Variants in DNAI4 observed in about 807,000 individuals in gnomAD.
DNAI4 encodes the protein WD repeat domain 78.
Under a neutral mutation model 105.8 loss-of-function variants are expected in DNAI4, and 85 were observed. That is an observed-to-expected ratio of 0.80 (90% CI 0.67 to 0.96). The LOEUF is 0.96. DNAI4 is among the 40% of genes least tolerant of loss of function. The probability of loss-of-function intolerance (pLI) is 0.00; values close to 1 mark genes in which losing one functional copy is unlikely to be tolerated. For synonymous variants in DNAI4, 352 were observed against 331.5 expected (o/e 1.06, Z -0.67); for missense variants, 1,014 against 1,005.6 (o/e 1.01, Z -0.11).
intron 6 of DNAI4, among the ~76,000 whole-genome samples, chr1:66,864,460 G>A (rs1042474634): frequency 6.6e-5 from 10 of 152,088 alleles, no homozygotes; most frequent in East Asian, 1.9e-4. Flanking sequence ...GCAAAGAAAC[G>A]CAGGTGTCAA....
chr1:66,864,579 C>T (rs1387905603), intron 6 of DNAI4, among the ~76,000 whole-genome samples: 2 of 152,194 alleles, frequency 1.3e-5, no homozygotes, highest in African/African-American at 4.8e-5. Context: ...AGGCCAGGCG[C>T]GGTGGCTCAC....
rs1250717505 is a variant in DNAI4 at position 66,871,386 on chromosome 1, G to A, written c.924C>T (p.Ile308=). Residue 308 remains isoleucine, a synonymous_variant, in exon 6 of 17, where the codon ATC becomes ATT. Transcript: ENST00000371026. ...PKNKDVQCDK[I]IMEDKGIMST... is the part of the protein sequence containing the mutation. ...AGAAATTACCTTTATCTTCCATTAT[G>A]ATTTTATCACATTGAACATCTTTAT... The A allele has an allele frequency of 3.1e-6, 5 of 1,608,046 alleles. No individual in the cohort carries two copies. Among genetic ancestry groups the A allele is most frequent in the African/African-American group, 1.3e-5 (1 of 74,778 alleles).
At chr1:66,818,399 A>C (rs1216233896) in intron 16 of DNAI4, among the ~76,000 whole-genome samples, 1 of 152,094 alleles carries the variant, frequency 6.6e-6, no homozygotes, top group Non-Finnish European at 1.5e-5. Flanking sequence ...ATGAGATTTA[A>C]AATATTTAAG....
At chr1:66,847,731 A>C in intron 7 of DNAI4, 53 bp from the exon 8 acceptor site, 1 of 1,330,972 alleles carries the variant, frequency 7.5e-7, no homozygotes, top group Non-Finnish European at 1.0e-6. Context: ...GATGGTTCAT[A>C]CATTCTAAAG....
intron 13 of DNAI4, among the ~76,000 whole-genome samples, chr1:66,831,942 A>T (rs116343447): frequency 3.8e-4 from 58 of 152,284 alleles, no homozygotes; most frequent in Non-Finnish European, 7.1e-4. Context: ...GGGCCAGATA[A>T]TTCTCTGCTG....
chr1:66,819,973 A>G (rs974793161), intron 16 of DNAI4, among the ~76,000 whole-genome samples: 1 of 152,156 alleles, frequency 6.6e-6, no homozygotes, highest in Non-Finnish European at 1.5e-5. Context: ...CAAAAGAAGA[A>G]AAAAAGATTA....
At chr1:66,829,431 G>T (rs1005888691) in intron 13 of DNAI4, among the ~76,000 whole-genome samples, 1 of 152,006 alleles carries the variant, frequency 6.6e-6, no homozygotes, top group Non-Finnish European at 1.5e-5. Context: ...CTAATATCAT[G>T]CTAAGTAGAT....
intron 1 of DNAI4, among the ~76,000 whole-genome samples, chr1:66,907,182 T>C (rs955880147): frequency 5.9e-5 from 9 of 152,208 alleles, no homozygotes; most frequent in Non-Finnish European, 1.0e-4. Flanking sequence ...GCTCTGTAAC[T>C]ACAATGTAGC....
intron 13 of DNAI4, among the ~76,000 whole-genome samples, chr1:66,829,233 C>T (rs1166557233): frequency 6.6e-6 from 1 of 152,070 alleles, no homozygotes; most frequent in Non-Finnish European, 1.5e-5. Context: ...AATAATCAAA[C>T]TAAATGTAAA....
At chr1:66,877,237 C>T (rs1381271552) in intron 4 of DNAI4, among the ~76,000 whole-genome samples, 1 of 152,158 alleles carries the variant, frequency 6.6e-6, no homozygotes, top group African/African-American at 2.4e-5. Context: ...CTTCTCCTCA[C>T]TTGTCAAAAG....
At position 66,890,918 on chromosome 1, in the gene DNAI4, G is replaced by T. The variant is rs1224147956; in HGVS notation, c.643+236C>A. On this transcript the variant is annotated intron_variant, in intron 4 of 16. Coordinates refer to ENST00000371026, the MANE Select transcript of DNAI4 (RefSeq NM_024763.5). This position sits in a 1 kb window ranked among gnomAD's most constrained non-coding sequence, Gnocchi z 4.1. ...AGCAGCAGCAACAGCAGCAGCAGAA[G>T]CAGCAGCTGAGCTCTAACACAAAGC... The T allele has an allele frequency of 3.7e-6, 2 of 535,508 alleles. No homozygotes were observed. Among genetic ancestry groups the T allele is most frequent in the Admixed American group, 3.2e-5 (1 of 30,980 alleles). 33.2% of individuals were successfully genotyped at this position (535,508 alleles called of 1,614,324 possible).
At chr1:66,844,154 T>C (rs1219637496) in intron 8 of DNAI4, among the ~76,000 whole-genome samples, 1 of 130,232 alleles carries the variant, frequency 7.7e-6, no homozygotes, top group Non-Finnish European at 1.7e-5. Flanking sequence ...TAATTCAAAA[T>C]AAATAACATG....
intron 5 of DNAI4, 87 bp from the exon 6 acceptor site, chr1:66,871,596 AC>A: frequency 7.6e-7 from 1 of 1,324,192 alleles, no homozygotes; most frequent in African/African-American, 1.5e-5. Context: ...CCCTAAAATT[AC>A]TTTCCTTAAT....
At position 66,905,352 on chromosome 1, in the gene DNAI4, TTC is replaced by T; in HGVS notation, c.192_193del (p.Lys65ValfsTer3). On this transcript the variant is annotated frameshift_variant, in exon 2 of 17. Coordinates refer to ENST00000371026, the MANE Select transcript of DNAI4 (RefSeq NM_024763.5). LOFTEE classifies it high-confidence loss of function. Reference sequence around the variant, plus strand: ...CATTGTAGCAAAAAAGCTAATAGACTTCTTTGGTTGTGTGGCATTGTTCCTAT... The same window carrying T: ...CATTGTAGCAAAAAAGCTAATAGACTTTTGGTTGTGTGGCATTGTTCCTAT... The T allele has an allele frequency of 6.7e-7, 1 of 1,498,188 alleles. No homozygotes were observed. Among genetic ancestry groups the T allele is most frequent in the Non-Finnish European group, 9.0e-7 (1 of 1,108,714 alleles). 92.8% of individuals were successfully genotyped at this position (1,498,188 alleles called of 1,614,324 possible).
intron 1 of DNAI4, among the ~76,000 whole-genome samples, chr1:66,905,768 A>T (rs1649194080): frequency 6.6e-6 from 1 of 152,134 alleles, no homozygotes; most frequent in Admixed American, 6.5e-5. Flanking sequence ...TATTATGAGG[A>T]TTAAATAAAT....
rs998188413 is a variant in DNAI4 at position 66,837,721 on chromosome 1, T to C, written c.1570A>G (p.Lys524Glu). 5 of 1,609,186 alleles carry C rather than the reference T, an allele frequency of 3.1e-6. No homozygotes were observed. The highest frequency in any genetic ancestry group is 4.2e-6 in the Non-Finnish European group (5 of 1,177,936). The change falls in exon 10 of 17, where the codon AAG becomes GAG. Residue 524 changes from lysine to glutamate, a missense_variant. By Grantham distance (56) the Lys-to-Glu change is moderately conservative. Transcript: ENST00000371026. ...CTTGTTTGGGTTACCATGGGATTCT[T>C]TATTGACCAGCAGCAAGCCAGTCCT... Reference protein sequence around the residue: ...KRGLACCWSIKNPMWPERIYQ... With the variant: ...KRGLACCWSIENPMWPERIYQ...
intron 1 of DNAI4, among the ~76,000 whole-genome samples, chr1:66,917,964 G>A (rs1650186778): frequency 6.6e-6 from 1 of 152,186 alleles, no homozygotes; most frequent in South Asian, 2.1e-4. Context: ...TCTGACCTGT[G>A]TTAAGTGAAG....
At chr1:66,875,671 G>T (rs1007599580) in intron 4 of DNAI4, among the ~76,000 whole-genome samples, 2 of 152,004 alleles carry the variant, frequency 1.3e-5, no homozygotes, top group African/African-American at 4.8e-5. Flanking sequence ...CAACAACAGG[G>T]TATACAGCAG....
intron 13 of DNAI4, among the ~76,000 whole-genome samples, chr1:66,832,522 G>T (rs867576162): frequency 6.6e-6 from 1 of 152,148 alleles, no homozygotes; most frequent in African/African-American, 2.4e-5. Flanking sequence ...GGCTGGGAAA[G>T]GTAGTTGGGG....
Sources: allele counts gnomAD v4.1 joint callset (sites outside exome capture counted in the v4.1 genomes callset), GRCh38; gene constraint gnomAD v4.1.1; non-coding constraint Gnocchi (gnomAD v3.1); transcripts MANE v1.5; gene names NCBI Gene and HGNC (gene_info 2026-07-23, HGNC 2026-07-21).